UNC79: variants seen among roughly 807,000 people sequenced by gnomAD.
UNC79 encodes the protein protein unc-79 homolog.
A neutral mutation model predicts 283.1 loss-of-function variants in UNC79; 37 were observed. The ratio of observed to expected loss-of-function variants is 0.13; its 90% confidence interval spans 0.10 to 0.17. UNC79 has a LOEUF of 0.17. Ranked by LOEUF, UNC79 falls within the 10% of genes least tolerant of loss-of-function variation. UNC79 has a pLI of 1.00. For synonymous variants in UNC79, 1,107 were observed against 1,200.2 expected, an observed-to-expected ratio of 0.92 and a Z score of 1.61; for missense variants, 2,272 against 3,211.1, an observed-to-expected ratio of 0.71 and a Z score of 7.07.
At chr14:93,526,327 G>GTA (rs1323536740) in intron 8 of UNC79, among the ~76,000 whole-genome samples, 1 of 152,054 alleles carries the variant, frequency 6.6e-6, no homozygotes, top group African/African-American at 2.4e-5. Context: ...CAAATCAAGG[G>GTA]TATCAAACAT....
In UNC79 at chr14:93,690,135, G is replaced by A. The variant is rs1239339573; in HGVS notation, c.7104G>A (p.Glu2368=). 1.2e-6 allele frequency: 2 copies of A among 1,614,094 alleles called. No individual in the cohort carries two copies. The highest frequency in any genetic ancestry group is 1.7e-6 in the Non-Finnish European group (2 of 1,180,020). Residue 2368 remains glutamate (E), a synonymous_variant, in exon 45 of 49, where the codon GAG becomes GAA. Coordinates refer to ENST00000555664, the Ensembl canonical transcript of UNC79. The surrounding 1 kb of genome is among the most constrained non-coding windows in gnomAD (Gnocchi z 4.3). ...CTAATAGACCTAAAGAATTCATTGA[G>A]TGTGTCTCCCATATCCGACTGTTGT...
chr14:93,639,641 A>G (rs1791251228), intron 32 of UNC79, among the ~76,000 whole-genome samples: 1 of 152,252 alleles, frequency 6.6e-6, no homozygotes, highest in East Asian at 1.9e-4. Flanking sequence ...AGTGACATAA[A>G]GATATTTTCA....
intron 11 of UNC79, among the ~76,000 whole-genome samples, chr14:93,537,490 G>T (rs527775536): frequency 7.2e-5 from 11 of 152,200 alleles, no homozygotes; most frequent in Admixed American, 1.3e-4. Context: ...CCTTGAATGC[G>T]ACAAGGACAG....
At chr14:93,560,563 C>T (rs550489857) in intron 14 of UNC79, among the ~76,000 whole-genome samples, 2 of 151,758 alleles carry the variant, frequency 1.3e-5, no homozygotes, top group South Asian at 4.2e-4. Context: ...GGCAGAAAGT[C>T]GTAAACTGAC....
At chr14:93,644,361 T>C (rs1424244971) in intron 34 of UNC79, among the ~76,000 whole-genome samples, 1 of 152,206 alleles carries the variant, frequency 6.6e-6, no homozygotes, top group Non-Finnish European at 1.5e-5. Context: ...ACTGTAGTCT[T>C]AGCGTGCACA....
chr14:93,430,861 T>G lies in UNC79; in HGVS notation c.-169T>G. 11 of 485,728 alleles carry G rather than the reference T, an allele frequency of 2.3e-5. No individual in the cohort carries two copies. The highest frequency in any genetic ancestry group is 7.6e-5 in the East Asian group (2 of 26,208). The allele number at this position is 485,728 out of a possible 1,614,324, so 30.1% of individuals were successfully genotyped here. A position where few individuals can be genotyped will look rare whatever the true frequency, so the allele number is the denominator to read the frequency against. On this transcript the variant is annotated 5_prime_UTR_variant, in exon 1 of 49. Coordinates refer to ENST00000555664, the Ensembl canonical transcript of UNC79. The surrounding 1 kb of genome is among the most constrained non-coding windows in gnomAD (Gnocchi z 4.6). ...AACCTTCCGGGACCGAATTCTGCAA[T>G]TTGATGTGCGTTTTGTCCGAATGGT...
chr14:93,387,272 C>A (rs2054797594), intron 1 of UNC79, among the ~76,000 whole-genome samples: 1 of 151,952 alleles, frequency 6.6e-6, no homozygotes, highest in South Asian at 2.1e-4. Flanking sequence ...TTTCTTTCTT[C>A]TATTAATTTT....
intron 1 of UNC79, among the ~76,000 whole-genome samples, chr14:93,387,311 T>C (rs1204526189): frequency 6.6e-6 from 1 of 152,166 alleles, no homozygotes; most frequent in Non-Finnish European, 1.5e-5. Flanking sequence ...CCTTTCTAGT[T>C]CTTTAAGGTG....
At chr14:93,701,251 C>T (rs553428621) in intron 47 of UNC79, among the ~76,000 whole-genome samples, 1 of 152,288 alleles carries the variant, frequency 6.6e-6, no homozygotes, top group East Asian at 1.9e-4. Context: ...TGCTCAATAC[C>T]TGAAAAACAT....
intron 2 of UNC79, among the ~76,000 whole-genome samples, chr14:93,468,667 A>G (rs1040097857): frequency 2.0e-5 from 3 of 152,224 alleles, no homozygotes; most frequent in African/African-American, 7.2e-5. Flanking sequence ...AAGCTTTGCC[A>G]CGGGAAAAGC....
intron 1 of UNC79, among the ~76,000 whole-genome samples, chr14:93,337,000 G>C (rs1175975646): frequency 6.6e-6 from 1 of 152,096 alleles, no homozygotes; most frequent in African/African-American, 2.4e-5. Context: ...GGAAGGGGTG[G>C]GTCCCTGGTG....
chr14:93,422,835 T>C (rs2055628787), intron 1 of UNC79, among the ~76,000 whole-genome samples: 1 of 150,906 alleles, frequency 6.6e-6, no homozygotes, highest in Admixed American at 6.6e-5. Flanking sequence ...CCGAGACAGG[T>C]GGATCATGAG....
chr14:93,363,393 G>A (rs2054264063), intron 1 of UNC79, among the ~76,000 whole-genome samples: 1 of 152,122 alleles, frequency 6.6e-6, no homozygotes, highest in Admixed American at 6.5e-5. Context: ...TGTGTGGTTG[G>A]GTTTAAAGTA....
chr14:93,419,779 C>G (rs1161164442), intron 1 of UNC79, among the ~76,000 whole-genome samples: 4 of 151,542 alleles, frequency 2.6e-5, no homozygotes, highest in Admixed American at 6.6e-5. Flanking sequence ...ATCATGCTAT[C>G]ATGGCCAGGT....
intron 18 of UNC79, 53 bp downstream of exon 18, chr14:93,578,116 G>A (rs185485092): frequency 2.2e-5 from 33 of 1,510,780 alleles, no homozygotes; most frequent in Middle Eastern, 1.9e-4. Flanking sequence ...GAGAGAAAGC[G>A]TTGTACAGCA....
chr14:93,620,883 C>T lies in UNC79; in HGVS notation c.4388-738C>T, dbSNP rs1413794698. The T allele has an allele frequency of 2.0e-6, 1 of 506,526 alleles. No individual in the cohort carries two copies. The highest frequency in any genetic ancestry group is 2.0e-5 in the Admixed American group (1 of 49,294). 31.4% of individuals were successfully genotyped at this position (506,526 alleles called of 1,614,324 possible). A position where few individuals can be genotyped will look rare whatever the true frequency, so the allele number is the denominator to read the frequency against. On this transcript the variant is annotated intron_variant, in intron 29 of 48. Coordinates refer to ENST00000555664, the Ensembl canonical transcript of UNC79. ...TTAAGTGTAATTTTGACTTTCTCTCCCCAATTAGAAGAAGATAGTGTTTTT... is the reference window on the plus strand; with the variant it reads ...TTAAGTGTAATTTTGACTTTCTCTCTCCAATTAGAAGAAGATAGTGTTTTT...
chr14:93,632,442 G>A (rs553618498), intron 31 of UNC79, among the ~76,000 whole-genome samples: 2 of 152,318 alleles, frequency 1.3e-5, no homozygotes, highest in South Asian at 2.1e-4. Context: ...GCTCACGCCT[G>A]TAATCCCAGC....
chr14:93,339,811 T>A (rs576227633), intron 1 of UNC79, among the ~76,000 whole-genome samples: 1 of 152,246 alleles, frequency 6.6e-6, no homozygotes, highest in Non-Finnish European at 1.5e-5. Context: ...ATGTTAAATT[T>A]TACTTTGATG....
chr14:93,583,272 C>T (rs1243948469), intron 20 of UNC79, among the ~76,000 whole-genome samples: 1 of 150,862 alleles, frequency 6.6e-6, no homozygotes, highest in Admixed American at 6.6e-5. Flanking sequence ...GAGCCGAGAT[C>T]GCACCATTGC....
Sources: allele counts gnomAD v4.1 joint callset (sites outside exome capture counted in the v4.1 genomes callset), GRCh38; gene constraint gnomAD v4.1.1; non-coding constraint Gnocchi (gnomAD v3.1); transcripts MANE v1.5; gene names NCBI Gene and HGNC (gene_info 2026-07-23, HGNC 2026-07-21).